Variants in MCTP2 observed in about 807,000 individuals in gnomAD.
The protein encoded by MCTP2 is multiple C2 and transmembrane domain-containing protein 2.
MCTP2 carries 132 observed loss-of-function variants against 111.6 expected under a neutral mutation model. The ratio of observed to expected loss-of-function variants is 1.18; its 90% CI spans 1.03 to 1.37. The LOEUF (loss-of-function observed/expected upper bound fraction) is 1.37, where lower values mean the gene tolerates loss of function less well. Among genes scored for constraint, MCTP2 ranks in the 40% most tolerant of loss-of-function variants. The probability of loss-of-function intolerance (pLI) is 0.00; values close to 1 mark genes in which losing one functional copy is unlikely to be tolerated. For synonymous variants in MCTP2, 395 were observed against 387.7 expected, an observed-to-expected ratio of 1.02 and a Z score of -0.22; for missense variants, 1,183 against 1,067.9, an observed-to-expected ratio of 1.11 and a Z score of -1.50.
At chr15:94,344,715 A>T (rs118117343) in intron 7 of MCTP2, among the ~76,000 whole-genome samples, 126 of 152,336 alleles carry the variant, frequency 8.3e-4, no homozygotes, top group Non-Finnish European at 1.5e-3. Flanking sequence ...TAGCATCTAA[A>T]ACTATGGAAA....
chr15:94,467,593 A>G (rs1223643107), intron 20 of MCTP2, among the ~76,000 whole-genome samples: 1 of 151,978 alleles, frequency 6.6e-6, no homozygotes, highest in Non-Finnish European at 1.5e-5. Context: ...GTAGCGTTGC[A>G]GAGTATAAAT....
At chr15:94,313,465 G>A (rs959815106) in intron 2 of MCTP2, among the ~76,000 whole-genome samples, 1 of 152,146 alleles carries the variant, frequency 6.6e-6, no homozygotes, top group Non-Finnish European at 1.5e-5. Context: ...CACTTTGGGA[G>A]GGTGAGGCAG....
At chr15:94,396,252 G>C (rs915809177) in intron 14 of MCTP2, among the ~76,000 whole-genome samples, 1 of 152,112 alleles carries the variant, frequency 6.6e-6, no homozygotes, top group African/African-American at 2.4e-5. Flanking sequence ...ATTGAAAGCT[G>C]TATTTTTCCT....
At chr15:94,368,140 C>A (rs1337462663) in intron 11 of MCTP2, among the ~76,000 whole-genome samples, 4 of 152,190 alleles carry the variant, frequency 2.6e-5, no homozygotes, top group Non-Finnish European at 4.4e-5. Flanking sequence ...TCACAAATAA[C>A]TTTACCAGCC....
At chr15:94,464,255 T>TA (rs1567764549) in intron 20 of MCTP2, among the ~76,000 whole-genome samples, 1 of 80,232 alleles carries the variant, frequency 1.2e-5, no homozygotes, top group African/African-American at 5.7e-5. Context: ...TATATATATA[T>TA]ATTATATATA....
chr15:94,416,423 C>T (rs2082383028), intron 17 of MCTP2, among the ~76,000 whole-genome samples: 1 of 152,090 alleles, frequency 6.6e-6, no homozygotes, highest in South Asian at 2.1e-4. Flanking sequence ...AGGGGGAAAA[C>T]ACATTTGAAT....
rs369912989 is a variant in MCTP2, at chr15:94,367,555, G to T, written c.1302-50G>T. 3.9e-5 allele frequency: 56 copies of T among 1,454,212 alleles called. No individual in the cohort carries two copies. The African/African-American group carries it at 7.7e-4, about 20-fold the overall frequency. 90.1% of individuals were successfully genotyped at this position (1,454,212 alleles called of 1,614,324 possible). ...CCAGGTGCTTTGGAGGTACTGCAGTGGCCTTGAATTAATCACTTTTCTCTC... is the reference window on the plus strand; with the variant it reads ...CCAGGTGCTTTGGAGGTACTGCAGTTGCCTTGAATTAATCACTTTTCTCTC... On this transcript the variant is annotated intron_variant, in intron 10 of 22. Transcript: ENST00000357742.
chr15:94,306,991 G>C (rs573060961), intron 2 of MCTP2, among the ~76,000 whole-genome samples: 1 of 152,022 alleles, frequency 6.6e-6, no homozygotes, highest in Non-Finnish European at 1.5e-5. Flanking sequence ...GTGTGATCTC[G>C]AAAGTCGTAC....
Position 94,245,580 on chromosome 15 carries a change from A to G in MCTP2, c.-66+13916A>G, listed in dbSNP as rs901683750. Among the ~76,000 whole-genome samples the G allele has an allele frequency of 5.5e-5, 8 of 144,708 alleles. No individual in the cohort carries two copies. The South Asian group carries it at 1.7e-3, about 31-fold the overall frequency. 94.9% of individuals were successfully genotyped at this position (144,708 alleles called of 152,430 possible). A position where few individuals can be genotyped will look rare whatever the true frequency, so the allele number is the denominator to read the frequency against. ...TGTATACATATATGTATATATACGT[A>G]TATGTACATATACGTATATAGACAT... On this transcript the variant is annotated intron_variant, in intron 1 of 22. Transcript: ENST00000357742.
At chr15:94,234,715 T>C (rs2070419661) in intron 1 of MCTP2, among the ~76,000 whole-genome samples, 4 of 152,196 alleles carry the variant, frequency 2.6e-5, no homozygotes, top group Admixed American at 2.0e-4. Flanking sequence ...CATTGGCTTT[T>C]CCAACTATCA....
chr15:94,315,591 C>T lies in MCTP2; in HGVS notation c.591C>T (p.Thr197=). ...NLPSPFAYLL[T]IHLKEGRNLV... ...CCAGCCCTTTTGCGTACCTCCTCAC[C>T]ATACACCTGAAGGAAGGCCGGAACC... The change falls in exon 4 of 23, where the codon ACC becomes ACT. Residue 197 remains threonine (T), a synonymous_variant. Transcript: ENST00000357742. 6.2e-7 allele frequency: 1 copy of T among 1,614,100 alleles called. No individual in the cohort carries two copies. The highest frequency in any genetic ancestry group is 8.5e-7 in the Non-Finnish European group (1 of 1,180,006).
At chr15:94,323,708 A>G (rs1487341535) in intron 4 of MCTP2, among the ~76,000 whole-genome samples, 2 of 152,142 alleles carry the variant, frequency 1.3e-5, no homozygotes, top group African/African-American at 4.8e-5. Context: ...GATGCTGTCA[A>G]TGGTCCAGGC....
At chr15:94,322,784 A>G (rs973405830) in intron 4 of MCTP2, among the ~76,000 whole-genome samples, 2 of 152,258 alleles carry the variant, frequency 1.3e-5, no homozygotes, top group African/African-American at 4.8e-5. Context: ...TGGGTAATAA[A>G]AAGTCATTTT....
intron 1 of MCTP2, among the ~76,000 whole-genome samples, chr15:94,289,454 A>G (rs1238275613): frequency 1.3e-5 from 2 of 152,208 alleles, no homozygotes; most frequent in African/African-American, 4.8e-5. Flanking sequence ...CAGACCTGAC[A>G]CAAAATAACA....
In MCTP2 at chr15:94,246,152, C is replaced by G. The variant is rs144689096; in HGVS notation, c.-66+14488C>G. ...CCTCTTGGAACTTTGCTGAAGGACC[C>G]TTTGCAATGCTACACATATTAGGAA... On this transcript the variant is annotated intron_variant, in intron 1 of 22. Coordinates refer to ENST00000357742, the MANE Select transcript of MCTP2 (RefSeq NM_001385001.1). Among the ~76,000 whole-genome samples, 11 of 152,168 alleles carry G rather than the reference C, an allele frequency of 7.2e-5. No homozygotes were observed. In the East Asian group the frequency reaches 1.7e-3, roughly 24 times the overall value.
Position 94,298,206 on chromosome 15 carries a change from A to C in MCTP2, c.-60A>C. On this transcript the variant is annotated 5_prime_UTR_variant, in exon 2 of 23. Coordinates refer to ENST00000357742, the MANE Select transcript of MCTP2 (RefSeq NM_001385001.1). The stretch of plus-strand genomic sequence containing the variant: ...TGTTTTTTTCTGTTTTATAGGAGTC[A>C]TTGCAGTTTTCAGTAGAGGTGTACT... The C allele has an allele frequency of 2.4e-6, 3 of 1,262,314 alleles. No individual in the cohort carries two copies. The highest frequency in any genetic ancestry group is 2.5e-5 in the East Asian group (1 of 40,038). 78.2% of individuals were successfully genotyped at this position (1,262,314 alleles called of 1,614,324 possible). A position where few individuals can be genotyped will look rare whatever the true frequency, so the allele number is the denominator to read the frequency against.
intron 17 of MCTP2, among the ~76,000 whole-genome samples, chr15:94,415,669 G>A (rs992509957): frequency 6.7e-6 from 1 of 149,878 alleles, no homozygotes; most frequent in Non-Finnish European, 1.5e-5. Flanking sequence ...CCCCCATTCT[G>A]AGATGTTTCC....
rs573718577 is a variant in MCTP2 at position 94,480,328 on chromosome 15, T to A, written c.*1294T>A. 2.0e-5 allele frequency: 3 copies of A among 152,188 alleles called. No homozygotes were observed. Among genetic ancestry groups the A allele is most frequent in the East Asian group, 3.8e-4 (2 of 5,200 alleles). The allele number at this position is 152,188 out of a possible 1,614,324, so 9.4% of individuals were successfully genotyped here. ...TTTAATAGTGAGTTCACTATTTTTT[T>A]TTTTTTGTCTCTGGGTTGTAATTTA... On this transcript the variant is annotated 3_prime_UTR_variant, in exon 23 of 23. Transcript: ENST00000357742.
At chr15:94,452,690 A>G (rs1026090654) in intron 19 of MCTP2, among the ~76,000 whole-genome samples, 1 of 152,236 alleles carries the variant, frequency 6.6e-6, no homozygotes, top group African/African-American at 2.4e-5. Context: ...CCCCAGTTCA[A>G]GCAGGGTATA....
Sources: gnomAD v4.1 joint callset for allele counts (sites outside exome capture counted in the v4.1 genomes callset) on GRCh38, gnomAD v4.1.1 for gene constraint, MANE v1.5 for transcripts, NCBI Gene and HGNC (gene_info 2026-07-23, HGNC 2026-07-21) for gene names.